Variants in KBTBD11 observed in about 807,000 individuals in gnomAD.
KBTBD11 encodes kelch repeat and BTB domain containing 11, also known as kelch repeat and BTB domain-containing protein 11.
For missense variants in KBTBD11, 1,390 were observed against 1,001.8 expected, an observed-to-expected ratio of 1.39 and a Z score of -5.23; for synonymous variants, 747 against 499.0, an observed-to-expected ratio of 1.50 and a Z score of -6.63.
At chr8:1,982,853 G>C (rs1816585311) in intron 1 of KBTBD11, among the ~76,000 whole-genome samples, 2 of 151,854 alleles carry the variant, frequency 1.3e-5, no homozygotes, top group South Asian at 4.1e-4. Flanking sequence ...AGCCTCCTGA[G>C]TAGCTGGGAT....
At chr8:1,994,373 C>A (rs757535633) in intron 1 of KBTBD11, among the ~76,000 whole-genome samples, 1 of 152,206 alleles carries the variant, frequency 6.6e-6, no homozygotes, top group Admixed American at 6.5e-5. Context: ...ACCGGCGACC[C>A]GCCTGAACAT....
At position 2,005,748 on chromosome 8, in the gene KBTBD11, G is replaced by A. The variant is rs890803024; in HGVS notation, c.*2684G>A. On this transcript the variant is annotated 3_prime_UTR_variant, in exon 2 of 2. Transcript: ENST00000320248. ...CTCATGAAATTAACCCGTATGCCGGGGCATTTCCAAATGTCTGACTCGTGA... is the reference window on the plus strand; with the variant it reads ...CTCATGAAATTAACCCGTATGCCGGAGCATTTCCAAATGTCTGACTCGTGA... The A allele has an allele frequency of 1.8e-5, 3 of 167,168 alleles. No homozygotes were observed. 10.4% of individuals were successfully genotyped at this position (167,168 alleles called of 1,614,324 possible). A position where few individuals can be genotyped will look rare whatever the true frequency, so the allele number is the denominator to read the frequency against.
Position 1,988,825 on chromosome 8 carries a change from C to G in KBTBD11, c.-908-11460C>G, listed in dbSNP as rs149541024. Among the ~76,000 whole-genome samples the G allele has an allele frequency of 3.4e-3, 509 of 151,334 alleles. 3 individuals carry two copies. Among genetic ancestry groups the G allele is most frequent in the African/African-American group, 0.012 (477 of 40,696 alleles). ...CACATTGTAAATACTTCATATATGT[C>G]TGCTAAGTAAATGAGCAAATGAATG... On this transcript the variant is annotated intron_variant, in intron 1 of 1. Transcript: ENST00000320248.
intron 1 of KBTBD11, among the ~76,000 whole-genome samples, chr8:1,983,612 C>T (rs1449640487): frequency 6.6e-6 from 1 of 152,218 alleles, no homozygotes; most frequent in Non-Finnish European, 1.5e-5. Context: ...ACTTTTCACA[C>T]TGTCCCTATG....
chr8:2,001,545 C>T lies in KBTBD11; in HGVS notation c.353C>T (p.Ala118Val), dbSNP rs983216715. ...PEPRVWLEDP[A>V]SPEEPGEPAP... The stretch of plus-strand genomic sequence containing the variant: ...CCGCGCGTTTGGCTTGAGGACCCCG[C>T]GTCCCCCGAGGAGCCCGGGGAGCCC... The change falls in exon 2 of 2, where the codon GCG becomes GTG. Residue 118 changes from alanine (A) to valine (V), a missense_variant. Physicochemically the swap from Ala to Val is moderately conservative, Grantham distance 64. Transcript: ENST00000320248. The T allele has an allele frequency of 5.6e-6, 8 of 1,434,774 alleles. No homozygotes were observed. The African/African-American group carries it at 9.0e-5, about 16-fold the overall frequency. The allele number at this position is 1,434,774 out of a possible 1,614,324, so 88.9% of individuals were successfully genotyped here.
intron 1 of KBTBD11, among the ~76,000 whole-genome samples, chr8:1,976,805 GA>G (rs1304761856): frequency 1.3e-5 from 2 of 152,234 alleles, no homozygotes; most frequent in African/African-American, 4.8e-5. Context: ...TAAGGGATGA[GA>G]GGGGTGGCTC....
chr8:1,979,498 C>T (rs540195263), intron 1 of KBTBD11, among the ~76,000 whole-genome samples: 1 of 152,246 alleles, frequency 6.6e-6, no homozygotes, highest in Non-Finnish European at 1.5e-5. Flanking sequence ...GGTGTGGTGG[C>T]ACGCACTTGT....
At chr8:1,976,183 C>A (rs1361255245) in intron 1 of KBTBD11, 1 of 152,134 alleles carries the variant, frequency 6.6e-6, no homozygotes, top group African/African-American at 2.4e-5. Context: ...TTCCTGATCA[C>A]AAATCAGCCT....
intron 1 of KBTBD11, among the ~76,000 whole-genome samples, chr8:1,985,524 GGGTGCC>G (rs1816682526): frequency 6.6e-6 from 1 of 152,272 alleles, no homozygotes; most frequent in South Asian, 2.1e-4. Context: ...CTTCCAGCCT[GGGTGCC>G]ATGTGGCGTT....
chr8:1,989,597 A>C (rs1028945679), intron 1 of KBTBD11, among the ~76,000 whole-genome samples: 1 of 152,180 alleles, frequency 6.6e-6, no homozygotes, highest in Non-Finnish European at 1.5e-5. Flanking sequence ...AAAATCCATT[A>C]ATCAGATACA....
In KBTBD11 at chr8:1,996,494, C is replaced by G. The variant is rs181009686; in HGVS notation, c.-908-3791C>G. On this transcript the variant is annotated intron_variant, in intron 1 of 1. Coordinates refer to ENST00000320248, the MANE Select transcript of KBTBD11 (RefSeq NM_014867.3). ...TGTTGGCCAAGCTGGTCTTGAACTC[C>G]TGACCTCAGGTGACCCACCCACCTC... 6.7e-4 allele frequency among the ~76,000 whole-genome samples: 102 copies of G among 152,248 alleles called. No individual in the cohort carries two copies. The East Asian group carries it at 0.015, about 23-fold the overall frequency.
chr8:1,986,149 G>T (rs1048975854), intron 1 of KBTBD11, among the ~76,000 whole-genome samples: 3 of 152,194 alleles, frequency 2.0e-5, no homozygotes, highest in African/African-American at 7.2e-5. Flanking sequence ...CTGGTTTGGG[G>T]TTGGCCACGT....
chr8:1,984,834 C>T (rs376913663), intron 1 of KBTBD11, among the ~76,000 whole-genome samples: 1 of 152,136 alleles, frequency 6.6e-6, no homozygotes, highest in Non-Finnish European at 1.5e-5. Context: ...AATGAAACCC[C>T]ACTTTAAGGC....
chr8:1,997,282 C>G (rs1817177353), intron 1 of KBTBD11, among the ~76,000 whole-genome samples: 1 of 152,100 alleles, frequency 6.6e-6, no homozygotes, highest in African/African-American at 2.4e-5. Flanking sequence ...GACTTCCCAT[C>G]CAAAAACATC....
intron 1 of KBTBD11, chr8:1,976,463 G>C (rs1032334690): frequency 2.6e-5 from 4 of 152,166 alleles, no homozygotes; most frequent in Non-Finnish European, 4.4e-5. Context: ...AATAAATGTT[G>C]TCTTGGAAAT....
chr8:2,001,924 G>A lies in KBTBD11; in HGVS notation c.732G>A (p.Lys244=), dbSNP rs756570599. Residue 244 remains lysine (K), a synonymous_variant, in exon 2 of 2, where the codon AAG becomes AAA. Transcript: ENST00000320248. ...ANCYEVLSAA[K]RQRLNELRDA... is the part of the protein sequence containing the mutation. ...GCTACGAGGTCCTGAGCGCGGCCAA[G>A]CGGCAGCGGCTGAACGAGCTGCGCG... 6.8e-7 allele frequency: 1 copy of A among 1,462,766 alleles called. No individual in the cohort carries two copies. The highest frequency in any genetic ancestry group is 2.0e-5 in the Admixed American group (1 of 50,010). The allele number at this position is 1,462,766 out of a possible 1,614,324, so 90.6% of individuals were successfully genotyped here.
At position 2,001,864 on chromosome 8, in the gene KBTBD11, C is replaced by T; in HGVS notation, c.672C>T (p.Thr224=). ...LQLPGAAQRA[T]DAVGPQLSLA... ...TGCCCGGCGCCGCGCAGCGCGCCAC[C>T]GACGCCGTGGGGCCGCAGCTGAGCC... The change falls in exon 2 of 2, where the codon ACC becomes ACT. Residue 224 remains threonine, a synonymous_variant. Transcript: ENST00000320248. 1 of 1,303,884 alleles carries T rather than the reference C, an allele frequency of 7.7e-7. No homozygotes were observed. Among genetic ancestry groups the T allele is most frequent in the Non-Finnish European group, 9.8e-7 (1 of 1,018,352 alleles). 80.8% of individuals were successfully genotyped at this position (1,303,884 alleles called of 1,614,324 possible).
chr8:2,002,624 G>C lies in KBTBD11; in HGVS notation c.1432G>C (p.Asp478His). The change falls in exon 2 of 2, where the codon GAC (aspartate) becomes CAC (histidine). Residue 478 changes from aspartate (D) to histidine (H), a missense_variant. Transcript: ENST00000320248. The surrounding 1 kb of genome is among the most constrained non-coding windows in gnomAD (Gnocchi z 4.1). ...CCTGCTCAAGTATGACCCGCGGCGC[G>C]ACGAGTGGCAGGAGTGCCCGTGCAG... ...YRLLKYDPRR[D>H]EWQECPCSSS... The C allele has an allele frequency of 6.3e-7, 1 of 1,583,574 alleles. No homozygotes were observed. Among genetic ancestry groups the C allele is most frequent in the Non-Finnish European group, 8.5e-7 (1 of 1,173,648 alleles).
rs917956028 is a variant in KBTBD11, at chr8:2,003,163, G to A, written c.*99G>A. On this transcript the variant is annotated 3_prime_UTR_variant, in exon 2 of 2. Transcript: ENST00000320248. Reference sequence around the variant, plus strand: ...GACGTGGTGGGGAGTCGGGGCCGCTGGCCACGCTGGTGGTTTGGACACTTC... The same window carrying A: ...GACGTGGTGGGGAGTCGGGGCCGCTAGCCACGCTGGTGGTTTGGACACTTC... 1 of 1,246,630 alleles carries A rather than the reference G, an allele frequency of 8.0e-7. No homozygotes were observed. 77.2% of individuals were successfully genotyped at this position (1,246,630 alleles called of 1,614,324 possible).
Sources: allele counts gnomAD v4.1 joint callset (sites outside exome capture counted in the v4.1 genomes callset), GRCh38; gene constraint gnomAD v4.1.1; non-coding constraint Gnocchi (gnomAD v3.1); transcripts MANE v1.5; gene names NCBI Gene and HGNC (gene_info 2026-07-23, HGNC 2026-07-21).